NLGN4Y: variants seen among roughly 807,000 people sequenced by gnomAD.
NLGN4Y encodes the protein neuroligin 4 Y-linked.
Under a neutral mutation model 8.4 loss-of-function variants are expected in NLGN4Y, and 4 were observed. The ratio of observed to expected loss-of-function variants is 0.48; its 90% CI spans 0.23 to 1.09. NLGN4Y has a LOEUF of 1.09. Ranked by LOEUF, NLGN4Y falls within the 50% of genes least tolerant of loss-of-function variation. The pLI, the probability that NLGN4Y is intolerant of heterozygous loss-of-function variation, is 0.19. For missense variants in NLGN4Y, 90 were observed against 192.3 expected, an observed-to-expected ratio of 0.47 and a Z score of 3.15; for synonymous variants, 35 against 75.6, an observed-to-expected ratio of 0.46 and a Z score of 2.78.
intron 1 of NLGN4Y, among the ~76,000 whole-genome samples, chrY:14,609,840 T>C: frequency 3.0e-5 from 1 of 33,305 alleles, no homozygotes; most frequent in Admixed American, 2.7e-4. Context: ...ATCTGTCTGG[T>C]CCTGGGCTTT....
chrY:14,604,555 C>T, intron 1 of NLGN4Y, among the ~76,000 whole-genome samples: 1 of 33,553 alleles, frequency 3.0e-5, no homozygotes, highest in Non-Finnish European at 7.4e-5. Flanking sequence ...TAACTCTACC[C>T]TTGGGTATAG....
chrY:14,563,824 A>T, intron 1 of NLGN4Y, among the ~76,000 whole-genome samples: 1 of 33,403 alleles, frequency 3.0e-5, no homozygotes, highest in Non-Finnish European at 7.4e-5. Flanking sequence ...GTTTATTTGC[A>T]TAGAGGTGCT....
intron 2 of NLGN4Y, among the ~76,000 whole-genome samples, chrY:14,629,359 T>G (rs2080540781): frequency 2.9e-5 from 1 of 34,282 alleles, no homozygotes; most frequent in Non-Finnish European, 7.3e-5. Context: ...TCTGGCATTC[T>G]GCGTTAGTGA....
chrY:14,808,643 C>T, intron 4 of NLGN4Y, among the ~76,000 whole-genome samples: 1 of 34,082 alleles, frequency 2.9e-5, no homozygotes, highest in South Asian at 6.5e-4. Context: ...GGTAGAAAGA[C>T]TTGGCCAGGT....
At chrY:14,630,413 A>C in intron 2 of NLGN4Y, among the ~76,000 whole-genome samples, 1 of 33,271 alleles carries the variant, frequency 3.0e-5, no homozygotes, top group East Asian at 7.9e-4. Context: ...AGCCCTGCTG[A>C]CACCTCAATT....
intron 4 of NLGN4Y, among the ~76,000 whole-genome samples, chrY:14,805,202 A>G (rs1006216760): frequency 6.0e-5 from 2 of 33,497 alleles, no homozygotes; most frequent in Non-Finnish European, 7.4e-5. Context: ...ACAAACCCCT[A>G]TGTATGTTCA....
At chrY:14,551,954 A>T in intron 1 of NLGN4Y, among the ~76,000 whole-genome samples, 1 of 33,659 alleles carries the variant, frequency 3.0e-5, no homozygotes, top group Non-Finnish European at 7.3e-5. Context: ...AAGGAAAGAG[A>T]TACAGAAAAA....
chrY:14,686,772 T>A, intron 2 of NLGN4Y, among the ~76,000 whole-genome samples: 1 of 33,091 alleles, frequency 3.0e-5, no homozygotes, highest in African/African-American at 1.2e-4. Context: ...CTCCTTTCTG[T>A]CATGTTTTTC....
intron 2 of NLGN4Y, among the ~76,000 whole-genome samples, chrY:14,637,849 T>C: frequency 3.4e-5 from 1 of 29,374 alleles, no homozygotes; most frequent in Non-Finnish European, 8.3e-5. Flanking sequence ...GCCTATGTTT[T>C]TTTTTTTTTT....
intron 1 of NLGN4Y, among the ~76,000 whole-genome samples, chrY:14,614,647 A>G (rs2080481651): frequency 3.0e-5 from 1 of 33,532 alleles, no homozygotes; most frequent in African/African-American, 1.2e-4. Flanking sequence ...TCAGCTTTCT[A>G]CATATGGCTA....
intron 4 of NLGN4Y, among the ~76,000 whole-genome samples, chrY:14,818,218 A>G: frequency 3.2e-5 from 1 of 31,715 alleles, no homozygotes; most frequent in Non-Finnish European, 7.6e-5. Context: ...CAGATAAGTG[A>G]CTTGTTCCCC....
At chrY:14,648,048 G>A (rs2080616735) in intron 2 of NLGN4Y, among the ~76,000 whole-genome samples, 1 of 34,474 alleles carries the variant, frequency 2.9e-5, no homozygotes, top group Non-Finnish European at 7.3e-5. Context: ...AAGTGGGCTT[G>A]CAATGATTTA....
chrY:14,635,375 C>G, intron 2 of NLGN4Y, among the ~76,000 whole-genome samples: 1 of 32,331 alleles, frequency 3.1e-5, no homozygotes, highest in Admixed American at 2.9e-4. Context: ...AGATCTAACC[C>G]CACTGCTGGA....
intron 2 of NLGN4Y, among the ~76,000 whole-genome samples, chrY:14,695,592 G>C: frequency 3.0e-5 from 1 of 32,978 alleles, no homozygotes; most frequent in African/African-American, 1.2e-4. Context: ...TACATTACCT[G>C]AAATTTCCGG....
intron 1 of NLGN4Y, among the ~76,000 whole-genome samples, chrY:14,558,924 C>T (rs2150474382): frequency 9.1e-5 from 3 of 33,092 alleles, no homozygotes; most frequent in Non-Finnish European, 2.2e-4. Flanking sequence ...ACATTTGTTT[C>T]TTCCAGGAAG....
At chrY:14,748,321 A>G in intron 4 of NLGN4Y, among the ~76,000 whole-genome samples, 1 of 33,463 alleles carries the variant, frequency 3.0e-5, no homozygotes, top group Non-Finnish European at 7.4e-5. Context: ...AGGTAAAATA[A>G]AACAGACAGG....
intron 4 of NLGN4Y, among the ~76,000 whole-genome samples, chrY:14,778,909 T>C (rs2081136959): frequency 3.1e-5 from 1 of 32,776 alleles, no homozygotes; most frequent in Non-Finnish European, 7.5e-5. Context: ...TACCAAATAG[T>C]AGATTTTTTT....
intron 1 of NLGN4Y, among the ~76,000 whole-genome samples, chrY:14,564,302 C>G (rs1023153872): frequency 9.1e-5 from 3 of 32,877 alleles, no homozygotes; most frequent in African/African-American, 2.4e-4. Context: ...GAGAGGGGGG[C>G]CGAAGCCAGG....
chrY:14,649,608 G>A, intron 2 of NLGN4Y, among the ~76,000 whole-genome samples: 1 of 33,190 alleles, frequency 3.0e-5, no homozygotes, highest in Admixed American at 2.8e-4. Flanking sequence ...TTCCACTTGG[G>A]TCTTCTAATC....
Sources: gnomAD v4.1 joint callset for allele counts (sites outside exome capture counted in the v4.1 genomes callset) on GRCh38, gnomAD v4.1.1 for gene constraint, MANE v1.5 for transcripts, NCBI Gene and HGNC (gene_info 2026-07-23, HGNC 2026-07-21) for gene names.